The following PLPPR1 variants were observed in gnomAD, a reference collection of about 807,000 sequenced individuals.
PLPPR1 encodes phospholipid phosphatase related 1, also known as phospholipid phosphatase-related protein type 1.
A neutral mutation model predicts 33.1 loss-of-function variants in PLPPR1; 10 were observed. The observed-to-expected ratio is 0.30, with a 90% CI of 0.19 to 0.51. PLPPR1 has a LOEUF of 0.51. PLPPR1 is among the 20% of genes least tolerant of loss of function. The pLI, the probability that PLPPR1 is intolerant of heterozygous loss-of-function variation, is 0.97. For missense variants in PLPPR1, 304 were observed against 408.1 expected, an observed-to-expected ratio of 0.74 and a Z score of 2.20; for synonymous variants, 151 against 151.0, an observed-to-expected ratio of 1.00 and a Z score of 0.00.
intron 2 of PLPPR1, among the ~76,000 whole-genome samples, chr9:101,213,630 AT>A (rs1826727528): frequency 1.3e-5 from 2 of 152,132 alleles, no homozygotes; most frequent in African/African-American, 4.8e-5. Context: ...ATATCTTAGC[AT>A]TTTGTTTATA....
chr9:101,198,306 G>C (rs548176496), intron 2 of PLPPR1, among the ~76,000 whole-genome samples: 2 of 152,150 alleles, frequency 1.3e-5, no homozygotes, highest in African/African-American at 4.8e-5. Flanking sequence ...TAGACTCTTA[G>C]AGCTACATGG....
chr9:101,151,493 A>T (rs1831584744), intron 1 of PLPPR1, among the ~76,000 whole-genome samples: 1 of 152,342 alleles, frequency 6.6e-6, no homozygotes, highest in African/African-American at 2.4e-5. Flanking sequence ...AGATAAAGCC[A>T]TGTTGCTTTG....
At chr9:101,165,294 C>T (rs997885119) in intron 1 of PLPPR1, among the ~76,000 whole-genome samples, 23 of 152,044 alleles carry the variant, frequency 1.5e-4, no homozygotes, top group Admixed American at 7.2e-4. Context: ...TGGTTAAGCA[C>T]GAAATCAATG....
intron 4 of PLPPR1, 143 bp downstream of exon 4, chr9:101,286,379 A>C: frequency 1.4e-6 from 1 of 699,548 alleles, no homozygotes; most frequent in Middle Eastern, 3.6e-4. Flanking sequence ...CTGCCACATC[A>C]AATTTTTGAC....
intron 1 of PLPPR1, among the ~76,000 whole-genome samples, chr9:101,159,748 G>A (rs759269458): frequency 3.9e-5 from 6 of 152,166 alleles, no homozygotes; most frequent in African/African-American, 1.4e-4. Flanking sequence ...ACAAATGAGC[G>A]CAAAGGGATA....
chr9:101,068,767 C>A (rs1279658010), intron 1 of PLPPR1, among the ~76,000 whole-genome samples: 2 of 151,962 alleles, frequency 1.3e-5, no homozygotes, highest in East Asian at 3.9e-4. Context: ...GTGTTTGATT[C>A]ATGTAAGGCA....
chr9:101,296,584 T>G (rs1324648493), intron 4 of PLPPR1, among the ~76,000 whole-genome samples: 1 of 152,026 alleles, frequency 6.6e-6, no homozygotes, highest in Non-Finnish European at 1.5e-5. Context: ...ATAACGAAAA[T>G]GTGGCACATA....
At chr9:101,129,463 C>A (rs1831289288) in intron 1 of PLPPR1, among the ~76,000 whole-genome samples, 1 of 152,116 alleles carries the variant, frequency 6.6e-6, no homozygotes, top group Admixed American at 6.5e-5. Flanking sequence ...TAGAAACTAC[C>A]CAAAAACCTA....
At chr9:101,315,118 T>A (rs1829028742) in intron 6 of PLPPR1, among the ~76,000 whole-genome samples, 1 of 152,232 alleles carries the variant, frequency 6.6e-6, no homozygotes, top group African/African-American at 2.4e-5. Context: ...TCCAAATCTA[T>A]TCCATTTATT....
intron 2 of PLPPR1, among the ~76,000 whole-genome samples, chr9:101,196,328 G>C (rs896854088): frequency 6.6e-6 from 1 of 152,164 alleles, no homozygotes; most frequent in Admixed American, 6.5e-5. Context: ...TGTTGAGAGA[G>C]TAGCTTGGCA....
At chr9:101,301,121 TTAAG>T in intron 4 of PLPPR1, among the ~76,000 whole-genome samples, 2 of 152,342 alleles carry the variant, frequency 1.3e-5, no homozygotes, top group South Asian at 4.1e-4. Flanking sequence ...ATCATCTTTA[TTAAG>T]TAATTATCCT....
intron 2 of PLPPR1, among the ~76,000 whole-genome samples, chr9:101,194,707 A>T (rs1316772907): frequency 6.7e-6 from 1 of 149,626 alleles, no homozygotes; most frequent in Admixed American, 6.9e-5. Context: ...GCCGAGATAG[A>T]GCGCCGTTGC....
chr9:101,061,293 GTTC>G (rs1830344859), intron 1 of PLPPR1, among the ~76,000 whole-genome samples: 1 of 151,814 alleles, frequency 6.6e-6, no homozygotes, highest in South Asian at 2.1e-4. Context: ...AGTGTGAGGT[GTTC>G]TTCTGAGCTC....
chr9:101,286,755 C>T (rs1223762822), intron 4 of PLPPR1, among the ~76,000 whole-genome samples: 1 of 152,122 alleles, frequency 6.6e-6, no homozygotes, highest in Non-Finnish European at 1.5e-5. Context: ...TATTCTACAT[C>T]CCTCCTTCTA....
At chr9:101,091,600 CCATG>C (rs1232243296) in intron 1 of PLPPR1, among the ~76,000 whole-genome samples, 2 of 152,124 alleles carry the variant, frequency 1.3e-5, no homozygotes, top group African/African-American at 4.8e-5. Flanking sequence ...ATTGGGCCTA[CCATG>C]ATAATGTAGG....
intron 1 of PLPPR1, among the ~76,000 whole-genome samples, chr9:101,079,740 T>A (rs1238234041): frequency 6.6e-6 from 1 of 152,068 alleles, no homozygotes; most frequent in Non-Finnish European, 1.5e-5. Context: ...CCACAACACC[T>A]GGCTAATTTT....
At chr9:101,191,287 C>A (rs1308834423) in intron 2 of PLPPR1, among the ~76,000 whole-genome samples, 2 of 152,112 alleles carry the variant, frequency 1.3e-5, no homozygotes, top group African/African-American at 4.8e-5. Context: ...TCTATTTTCT[C>A]ATCATTTTTT....
At chr9:101,109,071 G>A (rs1831016224) in intron 1 of PLPPR1, among the ~76,000 whole-genome samples, 1 of 148,000 alleles carries the variant, frequency 6.8e-6, no homozygotes, top group South Asian at 2.1e-4. Flanking sequence ...CCATTCTCCT[G>A]CCTCAGCCTC....
At chr9:101,099,689 A>ACCATGC (rs1192047803) in intron 1 of PLPPR1, among the ~76,000 whole-genome samples, 1 of 152,154 alleles carries the variant, frequency 6.6e-6, no homozygotes, top group East Asian at 1.9e-4. Context: ...CAGGAGAATG[A>ACCATGC]CCATGCGTAT....
Sources: allele counts gnomAD v4.1 joint callset (sites outside exome capture counted in the v4.1 genomes callset), GRCh38; gene constraint gnomAD v4.1.1; transcripts MANE v1.5; gene names NCBI Gene and HGNC (gene_info 2026-07-23, HGNC 2026-07-21).